TM9SF3: variants seen among roughly 807,000 people sequenced by gnomAD.
TM9SF3 encodes the protein transmembrane 9 superfamily member 3, also known as SM-11044-binding protein.
A neutral mutation model predicts 78.6 loss-of-function variants in TM9SF3; 14 were observed. The ratio of observed to expected loss-of-function variants is 0.18; its 90% CI spans 0.12 to 0.28. The LOEUF is 0.28. Among genes scored for constraint, TM9SF3 ranks in the 10% least tolerant of loss-of-function variants. The pLI, the probability that TM9SF3 is intolerant of heterozygous loss-of-function variation, is 1.00. For synonymous variants in TM9SF3, 231 were observed against 241.7 expected, an observed-to-expected ratio of 0.96 and a Z score of 0.41; for missense variants, 496 against 721.9, an observed-to-expected ratio of 0.69 and a Z score of 3.59.
At chr10:96,585,851 C>T (rs1200610139) in intron 1 of TM9SF3, among the ~76,000 whole-genome samples, 1 of 152,216 alleles carries the variant, frequency 6.6e-6, no homozygotes, top group African/African-American at 2.4e-5. Flanking sequence ...CTGCCTTGCT[C>T]AAGTCTACCA....
intron 3 of TM9SF3, among the ~76,000 whole-genome samples, chr10:96,563,225 G>A (rs1439823658): frequency 1.3e-5 from 2 of 152,058 alleles, no homozygotes; most frequent in South Asian, 4.1e-4. Context: ...ACAGGCAAGT[G>A]CCACCACGCC....
rs568179820 is a variant in TM9SF3, at chr10:96,582,634, G to A, written c.102+4100C>T. 1.6e-3 allele frequency among the ~76,000 whole-genome samples: 243 copies of A among 152,248 alleles called. 1 individual carries two copies. The highest frequency in any genetic ancestry group is 3.1e-3 in the Non-Finnish European group (208 of 68,012). ...AATTTTCATTTCAAACAACATGTCTGTAATGCATATGATTCAACTTTTAAA... is the reference window on the plus strand; with the variant it reads ...AATTTTCATTTCAAACAACATGTCTATAATGCATATGATTCAACTTTTAAA... On this transcript the variant is annotated intron_variant, in intron 1 of 14. Transcript: ENST00000371142.
chr10:96,564,128 C>CAAA (rs11379304), intron 3 of TM9SF3, among the ~76,000 whole-genome samples: 3 of 129,314 alleles, frequency 2.3e-5, no homozygotes, highest in African/African-American at 5.5e-5. Context: ...ACAAACACAC[C>CAAA]AAAAAAAAAA....
In TM9SF3 at chr10:96,547,980, T is replaced by C. The variant is rs765190351; in HGVS notation, c.969A>G (p.Ser323=). The change falls in exon 8 of 15, where the codon TCA becomes TCG. Residue 323 remains serine, a synonymous_variant. Coordinates refer to ENST00000371142, the MANE Select transcript of TM9SF3 (RefSeq NM_020123.4). The stretch of plus-strand genomic sequence containing the variant: ...AGACAAATATGGCTGTACTGAGCAT[T>C]GATCCCCTCCTAAAAAGGCAAAAAA... The part of the protein sequence containing the change: ...MIEDLYTERG[S]MLSTAIFVYA... 1 of 1,590,640 alleles carries C rather than the reference T, an allele frequency of 6.3e-7. No individual in the cohort carries two copies. Among genetic ancestry groups the C allele is most frequent in the Non-Finnish European group, 8.5e-7 (1 of 1,172,716 alleles).
At chr10:96,553,632 G>A (rs1764965475) in intron 5 of TM9SF3, among the ~76,000 whole-genome samples, 1 of 152,172 alleles carries the variant, frequency 6.6e-6, no homozygotes, top group African/African-American at 2.4e-5. Context: ...CATCCTGAAT[G>A]ATTTGCTTCA....
At chr10:96,552,264 C>A (rs146274827) in intron 6 of TM9SF3, among the ~76,000 whole-genome samples, 203 of 152,124 alleles carry the variant, frequency 1.3e-3, no homozygotes, top group Non-Finnish European at 2.0e-3. Context: ...CCAGCCTGGG[C>A]AGCATAGTGA....
chr10:96,575,729 CAAA>C (rs76895654), intron 2 of TM9SF3, among the ~76,000 whole-genome samples: 2 of 126,582 alleles, frequency 1.6e-5, no homozygotes, highest in Non-Finnish European at 1.7e-5. Flanking sequence ...AATACAGTAC[CAAA>C]AAAAAAAAAA....
chr10:96,551,470 C>T, intron 6 of TM9SF3, 59 bp from the exon 7 acceptor site: 1 of 1,256,168 alleles, frequency 8.0e-7, no homozygotes, highest in Non-Finnish European at 1.0e-6. Context: ...CAAACTAAAA[C>T]ATAGTATGTA....
chr10:96,562,968 T>C (rs1471274797), intron 3 of TM9SF3, among the ~76,000 whole-genome samples: 5 of 152,240 alleles, frequency 3.3e-5, no homozygotes, highest in African/African-American at 1.2e-4. Flanking sequence ...AATATAATCA[T>C]ATTTATAAAA....
intron 14 of TM9SF3, among the ~76,000 whole-genome samples, chr10:96,524,519 G>A (rs1847817155): frequency 6.6e-6 from 1 of 151,764 alleles, no homozygotes; most frequent in Admixed American, 6.6e-5. Flanking sequence ...AATCAAAACA[G>A]TTTCAACCTA....
chr10:96,530,481 C>G, intron 11 of TM9SF3, 59 bp downstream of exon 11: 2 of 1,390,150 alleles, frequency 1.4e-6, no homozygotes, highest in South Asian at 2.5e-5. Flanking sequence ...TTCCCTAACT[C>G]CTAAATTGTC....
chr10:96,544,048 G>C, intron 9 of TM9SF3, 28 bp downstream of exon 9: 1 of 1,591,842 alleles, frequency 6.3e-7, no homozygotes, highest in Non-Finnish European at 8.5e-7. Context: ...TACTTTTTCA[G>C]TTTAAAAGTA....
chr10:96,574,865 T>C (rs771672158), intron 2 of TM9SF3, among the ~76,000 whole-genome samples: 21 of 152,170 alleles, frequency 1.4e-4, no homozygotes, highest in Non-Finnish European at 2.6e-4. Flanking sequence ...TAAGTGGGAA[T>C]TGAACAATGA....
intron 2 of TM9SF3, among the ~76,000 whole-genome samples, chr10:96,570,661 C>T (rs1848428319): frequency 6.6e-6 from 1 of 152,150 alleles, no homozygotes; most frequent in South Asian, 2.1e-4. Flanking sequence ...TATTTCTTCT[C>T]TCTCTTAAAA....
chr10:96,542,882 G>GA (rs1246574875), intron 9 of TM9SF3, among the ~76,000 whole-genome samples: 6 of 151,804 alleles, frequency 4.0e-5, no homozygotes, highest in Admixed American at 3.9e-4. Context: ...ATGTGTCTTT[G>GA]AAAAAAATTG....
In TM9SF3 at chr10:96,519,400, A is replaced by C. The variant is rs957931650; in HGVS notation, c.*2863T>G. On this transcript the variant is annotated 3_prime_UTR_variant, in exon 15 of 15. Coordinates refer to ENST00000371142, the MANE Select transcript of TM9SF3 (RefSeq NM_020123.4). ...GGTTTGATTTATGGGCAACCCCAGTACAATCTAGGAGCCCAACATGATGAA... is the reference window on the plus strand; with the variant it reads ...GGTTTGATTTATGGGCAACCCCAGTCCAATCTAGGAGCCCAACATGATGAA... 6.6e-6 allele frequency: 1 copy of C among 151,992 alleles called. No homozygotes were observed. Among genetic ancestry groups the C allele is most frequent in the East Asian group, 1.9e-4 (1 of 5,202 alleles). 9.4% of individuals were successfully genotyped at this position (151,992 alleles called of 1,614,324 possible).
At chr10:96,543,907 T>TTTATGGAGGC in intron 9 of TM9SF3, 169 bp downstream of exon 9, 1 of 546,090 alleles carries the variant, frequency 1.8e-6, no homozygotes, top group Non-Finnish European at 2.8e-6. Context: ...TAACCAAAAT[T>TTTATGGAGGC]TTATGGAGGC....
chr10:96,520,345 G>C lies in TM9SF3; in HGVS notation c.*1918C>G, dbSNP rs1847749105. 1 of 151,516 alleles carries C rather than the reference G, an allele frequency of 6.6e-6. No homozygotes were observed. The highest frequency in any genetic ancestry group is 1.5e-5 in the Non-Finnish European group (1 of 67,752). The allele number at this position is 151,516 out of a possible 1,614,324, so 9.4% of individuals were successfully genotyped here. A position where few individuals can be genotyped will look rare whatever the true frequency, so the allele number is the denominator to read the frequency against. ...AGAAGAGGATTTACCTACAGCTTCTGATCAAATTTGTTGGATCATATCAAT... is the reference window on the plus strand; with the variant it reads ...AGAAGAGGATTTACCTACAGCTTCTCATCAAATTTGTTGGATCATATCAAT... On this transcript the variant is annotated 3_prime_UTR_variant, in exon 15 of 15. Transcript: ENST00000371142.
Position 96,554,195 on chromosome 10 carries a change from A to T in TM9SF3, c.661-1136T>A, listed in dbSNP as rs548672534. 6.1e-3 allele frequency among the ~76,000 whole-genome samples: 923 copies of T among 152,308 alleles called. 7 individuals are homozygous for T. Among genetic ancestry groups the T allele is most frequent in the African/African-American group, 0.021 (883 of 41,566 alleles). ...AATAGTATAGTGCCTGGCACATCAT[A>T]AACACTAAATAAAACCTAAAAGTTA... is the stretch of plus-strand genomic sequence containing the variant. On this transcript the variant is annotated intron_variant, in intron 5 of 14. Transcript: ENST00000371142.
Sources: gnomAD v4.1 joint callset for allele counts (sites outside exome capture counted in the v4.1 genomes callset) on GRCh38, gnomAD v4.1.1 for gene constraint, MANE v1.5 for transcripts, NCBI Gene and HGNC (gene_info 2026-07-23, HGNC 2026-07-21) for gene names.